Variants in DOT1L observed in about 807,000 individuals in gnomAD.
The protein encoded by DOT1L is DOT1 like histone lysine methyltransferase.
Under a neutral mutation model 153.3 loss-of-function variants are expected in DOT1L, and 33 were observed. The ratio of observed to expected loss-of-function variants is 0.22; its 90% CI spans 0.16 to 0.29. The LOEUF is 0.29. Ranked by LOEUF, DOT1L falls within the 10% of genes least tolerant of loss-of-function variation. The pLI, the probability that DOT1L is intolerant of heterozygous loss-of-function variation, is 1.00. For missense variants in DOT1L, 1,847 were observed against 2,119.9 expected, an observed-to-expected ratio of 0.87 and a Z score of 2.53; for synonymous variants, 1,135 against 965.1, an observed-to-expected ratio of 1.18 and a Z score of -3.26.
Position 2,193,662 on chromosome 19 carries a change from GTA to G in DOT1L, c.494-25_494-24del. 1 of 1,610,948 alleles carries G rather than the reference GTA, an allele frequency of 6.2e-7. No homozygotes were observed. The highest frequency in any genetic ancestry group is 8.5e-7 in the Non-Finnish European group (1 of 1,177,402). ...CCGGGTGGCATCTGAGCGCTGTGTG[GTA>G]TCTGATGGATCTCTCTGATCATAGG... On this transcript the variant is annotated intron_variant, in intron 5 of 27. Coordinates refer to ENST00000398665, the MANE Select transcript of DOT1L (RefSeq NM_032482.3). The surrounding 1 kb of genome is among the most constrained non-coding windows in gnomAD (Gnocchi z 5.9).
intron 9 of DOT1L, among the ~76,000 whole-genome samples, chr19:2,206,506 C>T (rs925191252): frequency 6.5e-5 from 9 of 137,434 alleles, no homozygotes; most frequent in African/African-American, 1.9e-4. Context: ...TGCAGTGAGC[C>T]GGGAGACTCT....
At position 2,230,393 on chromosome 19, in the gene DOT1L, T is replaced by C; in HGVS notation, c.*601T>C. On this transcript the variant is annotated 3_prime_UTR_variant, in exon 28 of 28. Transcript: ENST00000398665. The stretch of plus-strand genomic sequence containing the variant: ...GAGCTCTTCACCTTTACCCCGGCAC[T>C]GTGAACCCCCAGACTGTTCACCCTC... 1 of 405,750 alleles carries C rather than the reference T, an allele frequency of 2.5e-6. No homozygotes were observed. The highest frequency in any genetic ancestry group is 4.3e-6 in the Non-Finnish European group (1 of 230,892). The allele number at this position is 405,750 out of a possible 1,614,324, so 25.1% of individuals were successfully genotyped here.
In DOT1L at chr19:2,174,546, T is replaced by C. The variant is rs562985600; in HGVS notation, c.82-6167T>C. ...TGTTAAAAATACAAAATTAGCTGGG[T>C]GTGGTGGCGCACGCCTGTAATCCCA... On this transcript the variant is annotated intron_variant, in intron 1 of 27. Transcript: ENST00000398665. 3.6e-3 allele frequency among the ~76,000 whole-genome samples: 543 copies of C among 150,434 alleles called. 7 individuals carry two copies. Among genetic ancestry groups the C allele is most frequent in the African/African-American group, 0.013 (504 of 39,846 alleles).
chr19:2,225,256 G>A (rs575775949), intron 25 of DOT1L, 132 bp from the exon 26 acceptor site: 11 of 849,876 alleles, frequency 1.3e-5, no homozygotes, highest in Admixed American at 7.9e-5. Flanking sequence ...GTGGCTGCAC[G>A]GGTCCCCTGT....
Position 2,191,257 on chromosome 19 carries a change from A to G in DOT1L, c.493+17A>G. ...TGGGGAGCGGTGAGTGTCGCCCGCC[A>G]TGCCCGGCTCCTGTGCACTTCCAGG... On this transcript the variant is annotated intron_variant, in intron 5 of 27. Transcript: ENST00000398665. This position sits in a 1 kb window ranked among gnomAD's most constrained non-coding sequence, Gnocchi z 6.8. The G allele has an allele frequency of 6.2e-7, 1 of 1,612,374 alleles. No homozygotes were observed. The highest frequency in any genetic ancestry group is 2.2e-5 in the East Asian group (1 of 44,834).
At chr19:2,226,122 C>T in intron 26 of DOT1L, 61 bp from the exon 27 acceptor site, 5 of 1,473,342 alleles carry the variant, frequency 3.4e-6, no homozygotes, top group Non-Finnish European at 4.5e-6. Flanking sequence ...CCCCGGTTAG[C>T]CTCATGGGTA....
rs1019849250 is a variant in DOT1L at position 2,231,569 on chromosome 19, C to T, written c.*1777C>T. On this transcript the variant is annotated 3_prime_UTR_variant, in exon 28 of 28. Transcript: ENST00000398665. ...GAAGATGGTGCTCCGGACCTGTCCTCTTAAGTGGTGCCCAGTGCCCTCCCC... is the reference window on the plus strand; with the variant it reads ...GAAGATGGTGCTCCGGACCTGTCCTTTTAAGTGGTGCCCAGTGCCCTCCCC... 5.0e-5 allele frequency: 10 copies of T among 200,428 alleles called. No homozygotes were observed. Among genetic ancestry groups the T allele is most frequent in the Admixed American group, 1.2e-4 (2 of 16,548 alleles). 12.4% of individuals were successfully genotyped at this position (200,428 alleles called of 1,614,324 possible). A position where few individuals can be genotyped will look rare whatever the true frequency, so the allele number is the denominator to read the frequency against.
intron 1 of DOT1L, among the ~76,000 whole-genome samples, chr19:2,168,262 G>A (rs1599524526): frequency 6.6e-6 from 1 of 152,184 alleles, no homozygotes. Flanking sequence ...GAGCCCAGGA[G>A]TTTGAGACAA....
chr19:2,167,772 A>T (rs929503366), intron 1 of DOT1L, among the ~76,000 whole-genome samples: 6 of 133,938 alleles, frequency 4.5e-5, no homozygotes, highest in Admixed American at 3.3e-4. Context: ...GTCTTGCTCT[A>T]TCGCCCAGGC....
intron 23 of DOT1L, 83 bp from the exon 24 acceptor site, chr19:2,221,893 C>T: frequency 7.3e-7 from 1 of 1,364,930 alleles, no homozygotes; most frequent in Non-Finnish European, 9.8e-7. Context: ...GCCCACAGAG[C>T]TCCTAGGGGG....
intron 8 of DOT1L, among the ~76,000 whole-genome samples, chr19:2,200,681 T>G (rs544011232): frequency 2.0e-5 from 3 of 152,130 alleles, no homozygotes; most frequent in East Asian, 3.9e-4. Flanking sequence ...GCACTCTTTG[T>G]CCTCTCTGCG....
At chr19:2,202,646 G>T (rs2023338663) in intron 8 of DOT1L, 54 bp from the exon 9 acceptor site, 3 of 1,564,470 alleles carry the variant, frequency 1.9e-6, no homozygotes, top group Admixed American at 1.7e-5. Flanking sequence ...GCGCCGGGTG[G>T]CTGTGCCCGT....
At position 2,211,129 on chromosome 19, in the gene DOT1L, A is replaced by G; in HGVS notation, c.1382A>G (p.Tyr461Cys). 1.4e-5 allele frequency: 23 copies of G among 1,612,996 alleles called. No homozygotes were observed. The highest frequency in any genetic ancestry group is 1.9e-5 in the Non-Finnish European group (22 of 1,179,786). Reference sequence around the variant, plus strand: ...TACAGATCCCCTCACAGCCCGTTCTACCAGCTACCTCCGAGCGTGCAGCGG... The same window carrying G: ...TACAGATCCCCTCACAGCCCGTTCTGCCAGCTACCTCCGAGCGTGCAGCGG... ...DAYRSPHSPF[Y>C]QLPPSVQRHS... The change falls in exon 15 of 28, where the codon TAC (tyrosine) becomes TGC (cysteine). Residue 461 changes from tyrosine to cysteine, a missense_variant. Transcript: ENST00000398665.
At chr19:2,213,709 G>T (rs771456538) in intron 17 of DOT1L, 69 bp downstream of exon 17, 4 of 1,603,444 alleles carry the variant, frequency 2.5e-6, no homozygotes, top group Non-Finnish European at 3.4e-6. Flanking sequence ...CATGTCCGTC[G>T]GTATGGCTTC....
intron 1 of DOT1L, among the ~76,000 whole-genome samples, chr19:2,167,838 T>G (rs1361745585): frequency 6.6e-6 from 1 of 151,176 alleles, no homozygotes; most frequent in Admixed American, 6.6e-5. Context: ...CAGGTTTCAG[T>G]GATTCTCCTG....
rs192605393 is a variant in DOT1L, at chr19:2,196,477, C to T, written c.651+1900C>T. On this transcript the variant is annotated intron_variant, in intron 7 of 27. Coordinates refer to ENST00000398665, the MANE Select transcript of DOT1L (RefSeq NM_032482.3). ...CCTCCTGAGTAGCTGGAATTAAAGG[C>T]GCATGCCACCACGCCCGGCTAATTT... 2.7e-3 allele frequency among the ~76,000 whole-genome samples: 414 copies of T among 152,286 alleles called. 1 individual carries two copies. Among genetic ancestry groups the T allele is most frequent in the African/African-American group, 9.4e-3 (391 of 41,558 alleles).
At position 2,214,323 on chromosome 19, in the gene DOT1L, C is replaced by T. The variant is rs2023824048; in HGVS notation, c.1798-148C>T. 3.7e-6 allele frequency: 5 copies of T among 1,350,564 alleles called. No homozygotes were observed. In the South Asian group the frequency reaches 6.0e-5, roughly 16 times the overall value. 83.7% of individuals were successfully genotyped at this position (1,350,564 alleles called of 1,614,324 possible). ...GCCCCAGTCTCCGCGTGTTCCGCATCCTCAGCCTGCTATTCCAGAAACGGG... is the reference window on the plus strand; with the variant it reads ...GCCCCAGTCTCCGCGTGTTCCGCATTCTCAGCCTGCTATTCCAGAAACGGG... On this transcript the variant is annotated intron_variant, in intron 18 of 27. Transcript: ENST00000398665.
At chr19:2,179,751 G>A (rs1207565766) in intron 1 of DOT1L, among the ~76,000 whole-genome samples, 1 of 152,064 alleles carries the variant, frequency 6.6e-6, no homozygotes, top group East Asian at 1.9e-4. Flanking sequence ...AGGTTGCAGT[G>A]AGCCGAGATT....
chr19:2,194,510 T>A lies in DOT1L; in HGVS notation c.589-5T>A, dbSNP rs746877312. Reference sequence around the variant, plus strand: ...GTAACGGGCGTTTGGTTTCTTTCCTTCCAGACCATGGACCGCGAGTTCAGG... The same window carrying A: ...GTAACGGGCGTTTGGTTTCTTTCCTACCAGACCATGGACCGCGAGTTCAGG... On this transcript the variant is annotated splice_polypyrimidine_tract_variant and splice_region_variant and intron_variant, in intron 6 of 27. Transcript: ENST00000398665. 6.2e-7 allele frequency: 1 copy of A among 1,613,974 alleles called. No individual in the cohort carries two copies. Among genetic ancestry groups the A allele is most frequent in the Non-Finnish European group, 8.5e-7 (1 of 1,179,992 alleles).
Sources: gnomAD v4.1 joint callset for allele counts (sites outside exome capture counted in the v4.1 genomes callset) on GRCh38, gnomAD v4.1.1 for gene constraint, Gnocchi (gnomAD v3.1) non-coding constraint, MANE v1.5 for transcripts, NCBI Gene and HGNC (gene_info 2026-07-23, HGNC 2026-07-21) for gene names.